Variants in PTPRR observed in about 807,000 individuals in gnomAD.
The protein encoded by PTPRR is protein tyrosine phosphatase receptor type R.
A neutral mutation model predicts 77.2 loss-of-function variants in PTPRR; 38 were observed. The observed-to-expected ratio is 0.49, with a 90% CI of 0.38 to 0.65. The LOEUF is 0.65. Ranked by LOEUF, PTPRR falls within the 30% of genes least tolerant of loss-of-function variation. PTPRR has a pLI of 0.00. For missense variants in PTPRR, 744 were observed against 799.2 expected (o/e 0.93, Z 0.83); for synonymous variants, 299 against 283.1 (o/e 1.06, Z -0.57).
At chr12:70,775,368 T>G (rs2136990388) in intron 2 of PTPRR, among the ~76,000 whole-genome samples, 1 of 152,300 alleles carries the variant, frequency 6.6e-6, no homozygotes, top group African/African-American at 2.4e-5. Flanking sequence ...TCCACCAAAG[T>G]AGTTAAAGCC....
At chr12:70,803,550 A>C (rs1330685387) in intron 2 of PTPRR, among the ~76,000 whole-genome samples, 6 of 152,226 alleles carry the variant, frequency 3.9e-5, no homozygotes. Context: ...TCACAGGACC[A>C]CTGGATAGGT....
intron 6 of PTPRR, among the ~76,000 whole-genome samples, chr12:70,711,658 A>G (rs916880876): frequency 1.3e-5 from 2 of 152,100 alleles, no homozygotes; most frequent in African/African-American, 4.8e-5. Context: ...AAATCCTTAA[A>G]TTTGTTTTTA....
intron 8 of PTPRR, among the ~76,000 whole-genome samples, chr12:70,695,137 T>C (rs1888188437): frequency 1.3e-5 from 2 of 152,202 alleles, no homozygotes; most frequent in African/African-American, 2.4e-5. Context: ...CCTATCCATA[T>C]ATCTGTTGCA....
chr12:70,734,358 A>T (rs1022882256), intron 6 of PTPRR, among the ~76,000 whole-genome samples: 4 of 152,218 alleles, frequency 2.6e-5, no homozygotes, highest in African/African-American at 9.6e-5. Flanking sequence ...AAAGAACTTT[A>T]TAGAAATGCA....
chr12:70,795,913 ATTTTTTTTTTTTTT>A (rs71437157), intron 2 of PTPRR, among the ~76,000 whole-genome samples: 32 of 88,392 alleles, frequency 3.6e-4, no homozygotes, highest in South Asian at 2.7e-3. Context: ...TATTTAGTAG[ATTTTTTTTTTTTTT>A]TTTTTTTTTT....
intron 1 of PTPRR, chr12:70,906,836 A>G (rs1469451351): frequency 2.0e-5 from 3 of 152,158 alleles, no homozygotes; most frequent in Non-Finnish European, 4.4e-5. Context: ...TTTCTACGAG[A>G]TGACAATAAT....
At chr12:70,825,588 C>T (rs890539806) in intron 2 of PTPRR, among the ~76,000 whole-genome samples, 4 of 152,220 alleles carry the variant, frequency 2.6e-5, no homozygotes, top group Admixed American at 6.5e-5. Context: ...TTTCTCAAAT[C>T]CCTTTCCCTC....
chr12:70,845,378 C>A (rs1425325025), intron 2 of PTPRR, among the ~76,000 whole-genome samples: 1 of 152,156 alleles, frequency 6.6e-6, no homozygotes, highest in Non-Finnish European at 1.5e-5. Flanking sequence ...CTAGGGATTG[C>A]ATTGGACAGA....
chr12:70,736,892 C>A (rs1301894616), intron 6 of PTPRR, among the ~76,000 whole-genome samples: 1 of 152,092 alleles, frequency 6.6e-6, no homozygotes, highest in African/African-American at 2.4e-5. Flanking sequence ...ATCAAAGGAA[C>A]CTGGAGTGTA....
chr12:70,912,345 A>G (rs1351127582), intron 1 of PTPRR, among the ~76,000 whole-genome samples: 1 of 152,180 alleles, frequency 6.6e-6, no homozygotes, highest in African/African-American at 2.4e-5. Flanking sequence ...TGTACAGTCC[A>G]GTGAATCACT....
At chr12:70,770,607 G>A (rs902427685) in intron 2 of PTPRR, among the ~76,000 whole-genome samples, 1 of 152,076 alleles carries the variant, frequency 6.6e-6, no homozygotes, top group Admixed American at 6.6e-5. Context: ...TGATTCCTCA[G>A]GGATCTAGAA....
In PTPRR at chr12:70,920,325, C is replaced by A. The variant is rs769838034; in HGVS notation, c.58+8G>T. The A allele has an allele frequency of 6.2e-7, 1 of 1,613,222 alleles. No individual in the cohort carries two copies. Among genetic ancestry groups the A allele is most frequent in the East Asian group, 2.2e-5 (1 of 44,824 alleles). ...ACAGCTCCGGCTCTAAGCCTGGCAACCCCTTACCTGCAGCGTGAAGATTAA... is the reference window on the plus strand; with the variant it reads ...ACAGCTCCGGCTCTAAGCCTGGCAAACCCTTACCTGCAGCGTGAAGATTAA... On this transcript the variant is annotated splice_region_variant and intron_variant, in intron 1 of 13. Transcript: ENST00000283228.
intron 12 of PTPRR, among the ~76,000 whole-genome samples, chr12:70,657,319 C>A (rs1197949375): frequency 6.6e-6 from 1 of 152,086 alleles, no homozygotes; most frequent in Non-Finnish European, 1.5e-5. Context: ...TACTGATGTT[C>A]AGAAGTCTAG....
intron 2 of PTPRR, among the ~76,000 whole-genome samples, chr12:70,861,795 T>C (rs1267189745): frequency 6.6e-6 from 1 of 152,114 alleles, no homozygotes; most frequent in Non-Finnish European, 1.5e-5. Flanking sequence ...TATATGAGGA[T>C]TCATCCAAGC....
rs576368740 is a variant in PTPRR, at chr12:70,795,591, A to G, written c.358-30813T>C. The stretch of plus-strand genomic sequence containing the variant: ...ATTTATTATTTATACAGTCCATTAG[A>G]GTTTGTATAAATATCATTTCTATTT... On this transcript the variant is annotated intron_variant, in intron 2 of 13. Coordinates refer to ENST00000283228, the MANE Select transcript of PTPRR (RefSeq NM_002849.4). 1.6e-4 allele frequency among the ~76,000 whole-genome samples: 24 copies of G among 152,302 alleles called. No homozygotes were observed. In the East Asian group the frequency reaches 1.7e-3, roughly 11 times the overall value.
At chr12:70,819,176 C>T (rs1891961411) in intron 2 of PTPRR, among the ~76,000 whole-genome samples, 1 of 152,096 alleles carries the variant, frequency 6.6e-6, no homozygotes, top group Non-Finnish European at 1.5e-5. Context: ...CAAAAATTAG[C>T]CAGGTGTGGT....
chr12:70,894,701 C>A (rs1386953497), intron 1 of PTPRR, among the ~76,000 whole-genome samples: 2 of 151,612 alleles, frequency 1.3e-5, no homozygotes, highest in African/African-American at 4.8e-5. Flanking sequence ...GTGGTAAGAA[C>A]AACAACATTG....
chr12:70,750,758 G>A (rs1274215524), intron 5 of PTPRR, among the ~76,000 whole-genome samples: 1 of 152,134 alleles, frequency 6.6e-6, no homozygotes, highest in African/African-American at 2.4e-5. Flanking sequence ...TTCAGAGGCA[G>A]AGAATCTGAA....
intron 12 of PTPRR, among the ~76,000 whole-genome samples, chr12:70,657,879 T>C (rs1429621546): frequency 6.6e-6 from 1 of 152,202 alleles, no homozygotes; most frequent in African/African-American, 2.4e-5. Context: ...AATCACGTTT[T>C]CAACATCTCC....
Sources: gnomAD v4.1 joint callset for allele counts (sites outside exome capture counted in the v4.1 genomes callset) on GRCh38, gnomAD v4.1.1 for gene constraint, MANE v1.5 for transcripts, NCBI Gene and HGNC (gene_info 2026-07-23, HGNC 2026-07-21) for gene names.